Variants in WDR36 observed in about 807,000 individuals in gnomAD.
WDR36 encodes the protein WD repeat-containing protein 36.
WDR36 carries 63 observed loss-of-function variants against 112.7 expected under a neutral mutation model. The observed-to-expected ratio is 0.56, with a 90% CI of 0.46 to 0.69. WDR36 has a LOEUF of 0.69. Among genes scored for constraint, WDR36 ranks in the 30% least tolerant of loss-of-function variants. The probability of loss-of-function intolerance (pLI) is 0.00; values close to 1 mark genes in which losing one functional copy is unlikely to be tolerated. For synonymous variants in WDR36, 410 were observed against 362.2 expected (o/e 1.13, Z -1.50); for missense variants, 1,226 against 1,070.3 (o/e 1.15, Z -2.03).
chr5:111,106,247 A>G (rs1753219644), intron 11 of WDR36, 104 bp downstream of exon 11: 1 of 1,080,830 alleles, frequency 9.3e-7, no homozygotes, highest in African/African-American at 1.6e-5. Context: ...ACAAATATTA[A>G]TAAGCATTCA....
In WDR36 at chr5:111,129,479, A is replaced by T. The variant is rs936442129; in HGVS notation, c.*2596A>T. The T allele has an allele frequency of 5.2e-6, 1 of 192,978 alleles. No homozygotes were observed. The highest frequency in any genetic ancestry group is 2.3e-5 in the African/African-American group (1 of 43,090). 12.0% of individuals were successfully genotyped at this position (192,978 alleles called of 1,614,324 possible). The stretch of plus-strand genomic sequence containing the variant: ...AATCAGAAATTTCTCACTAGTGAAG[A>T]TGGACATATTTTTGTATGTTTATTT... On this transcript the variant is annotated 3_prime_UTR_variant, in exon 23 of 23. Coordinates refer to ENST00000513710, the MANE Select transcript of WDR36 (RefSeq NM_139281.3).
At chr5:111,125,212 C>T (rs1360255740) in intron 21 of WDR36, among the ~76,000 whole-genome samples, 1 of 152,124 alleles carries the variant, frequency 6.6e-6, no homozygotes, top group Non-Finnish European at 1.5e-5. Flanking sequence ...AATTATTTTA[C>T]CTCATCAGAT....
At chr5:111,124,340 G>T in intron 21 of WDR36, 151 bp downstream of exon 21, 2 of 644,354 alleles carry the variant, frequency 3.1e-6, no homozygotes, top group Non-Finnish European at 5.1e-6. Flanking sequence ...CGTAATTTTA[G>T]CATTTATATT....
intron 19 of WDR36, 115 bp downstream of exon 19, chr5:111,121,256 A>G: frequency 9.4e-7 from 1 of 1,069,366 alleles, no homozygotes; most frequent in Non-Finnish European, 1.4e-6. Flanking sequence ...TTAATATGTA[A>G]GACAGCACTG....
intron 21 of WDR36, among the ~76,000 whole-genome samples, chr5:111,124,665 C>T (rs577357869): frequency 3.3e-5 from 5 of 152,082 alleles, no homozygotes; most frequent in Non-Finnish European, 5.9e-5. Flanking sequence ...ATTTAAATTT[C>T]GAAGGCTACA....
rs560844811 is a variant in WDR36 at position 111,128,417 on chromosome 5, A to G, written c.*1534A>G. The G allele has an allele frequency of 1.1e-5, 2 of 182,506 alleles. No homozygotes were observed. Among genetic ancestry groups the G allele is most frequent in the South Asian group, 3.9e-4 (2 of 5,072 alleles). 11.3% of individuals were successfully genotyped at this position (182,506 alleles called of 1,614,324 possible). On this transcript the variant is annotated 3_prime_UTR_variant, in exon 23 of 23. Coordinates refer to ENST00000513710, the MANE Select transcript of WDR36 (RefSeq NM_139281.3). ...GTTTTTCTTTTAGAAATGTGTATTG[A>G]CTTATTAAAGCCACTGACAGAAATG...
chr5:111,103,795 G>A lies in WDR36; in HGVS notation c.607G>A (p.Val203Met), dbSNP rs772498725. 4.8e-5 allele frequency: 78 copies of A among 1,610,748 alleles called. No homozygotes were observed. The highest frequency in any genetic ancestry group is 1.6e-4 in the Middle Eastern group (1 of 6,062). Residue 203 changes from valine (V) to methionine (M), a missense_variant, in exon 7 of 23, where the codon GTG becomes ATG. By Grantham distance (21) the Val-to-Met change is conservative. Coordinates refer to ENST00000513710, the MANE Select transcript of WDR36 (RefSeq NM_139281.3). ...ATAATTTAATTTTTAGGCACCAGCC[G>A]TGGATGTTGTTGCTATTGGTCTTAT... ...GVTALQQAPA[V>M]DVVAIGLMSG...
At chr5:111,106,894 A>G (rs114902052) in intron 11 of WDR36, among the ~76,000 whole-genome samples, 2,662 of 151,322 alleles carry the variant, frequency 0.018, 27 homozygotes, top group Middle Eastern at 0.061. Flanking sequence ...TGTGCATGTT[A>G]TCCCCCCCAG....
intron 16 of WDR36, among the ~76,000 whole-genome samples, chr5:111,115,621 T>C (rs965731093): frequency 6.6e-6 from 1 of 152,202 alleles, no homozygotes; most frequent in Non-Finnish European, 1.5e-5. Flanking sequence ...CTTTGGAAAT[T>C]CCTAGTTCTT....
intron 22 of WDR36, 34 bp from the exon 23 acceptor site, chr5:111,126,700 C>T (rs1367259636): frequency 6.2e-7 from 1 of 1,609,038 alleles, no homozygotes; most frequent in Non-Finnish European, 8.5e-7. Context: ...TTTTAATTTT[C>T]TTAAATGTTC....
In WDR36 at chr5:111,092,364, T is replaced by G; in HGVS notation, c.-93T>G. On this transcript the variant is annotated 5_prime_UTR_variant, in exon 1 of 23. Coordinates refer to ENST00000513710, the MANE Select transcript of WDR36 (RefSeq NM_139281.3). ...GGAAGCGGTGTTGTGTCTGCAGCTC[T>G]GGCAGAGGACTGTTCCACTAGACAC... The G allele has an allele frequency of 6.2e-7, 1 of 1,614,222 alleles. No homozygotes were observed. Among genetic ancestry groups the G allele is most frequent in the Non-Finnish European group, 8.5e-7 (1 of 1,180,036 alleles).
intron 16 of WDR36, among the ~76,000 whole-genome samples, chr5:111,118,029 A>G (rs11955885): frequency 9.9e-5 from 15 of 152,150 alleles, no homozygotes; most frequent in African/African-American, 3.6e-4. Context: ...CTCTGTTCAA[A>G]TATATTCTGC....
chr5:111,104,835 A>G lies in WDR36; in HGVS notation c.1027+18A>G, dbSNP rs1452270515. On this transcript the variant is annotated intron_variant, in intron 9 of 22. Transcript: ENST00000513710. ...AAGTGCAAGTGAGCTTCTGCTTCAT[A>G]CTATTAGTTTATTTCAGCAAGTATT... The G allele has an allele frequency of 6.2e-7, 1 of 1,610,236 alleles. No homozygotes were observed. Among genetic ancestry groups the G allele is most frequent in the Non-Finnish European group, 8.5e-7 (1 of 1,177,198 alleles).
rs1752879206 is a variant in WDR36, at chr5:111,092,393, G to A, written c.-64G>A. On this transcript the variant is annotated 5_prime_UTR_variant, in exon 1 of 23. Coordinates refer to ENST00000513710, the MANE Select transcript of WDR36 (RefSeq NM_139281.3). ...AGAGGACTGTTCCACTAGACACGCT[G>A]AAGGGACTGGGTACGTGTTTTCCTT... 1 of 1,614,142 alleles carries A rather than the reference G, an allele frequency of 6.2e-7. No homozygotes were observed. Among genetic ancestry groups the A allele is most frequent in the African/African-American group, 1.3e-5 (1 of 74,958 alleles).
At chr5:111,105,190 A>T in intron 9 of WDR36, 105 bp from the exon 10 acceptor site, 2 of 1,246,980 alleles carry the variant, frequency 1.6e-6, no homozygotes, top group Non-Finnish European at 2.3e-6. Context: ...AAGTGTCCCA[A>T]ACTGTAACTT....
chr5:111,106,913 T>C (rs1250786978), intron 11 of WDR36, among the ~76,000 whole-genome samples: 3 of 151,378 alleles, frequency 2.0e-5, no homozygotes, highest in Admixed American at 1.3e-4. Context: ...AGGTAATTTC[T>C]ACTTGTTCTA....
At chr5:111,109,827 G>T (rs1274888790) in intron 12 of WDR36, among the ~76,000 whole-genome samples, 1 of 151,224 alleles carries the variant, frequency 6.6e-6, no homozygotes, top group Non-Finnish European at 1.5e-5. Flanking sequence ...CAAAAGGCAA[G>T]ACAAAAAGAA....
chr5:111,121,197 T>C (rs1025981119), intron 19 of WDR36, 56 bp downstream of exon 19: 5 of 1,601,452 alleles, frequency 3.1e-6, no homozygotes, highest in African/African-American at 1.3e-5. Flanking sequence ...CATTTTTATT[T>C]TTTTAAGCAG....
intron 11 of WDR36, among the ~76,000 whole-genome samples, 196 bp downstream of exon 11, chr5:111,106,339 A>G (rs2112574268): frequency 6.6e-6 from 1 of 151,680 alleles, no homozygotes; most frequent in East Asian, 1.9e-4. Context: ...ATCTATTAAC[A>G]TCAGGCTTTG....
Sources: allele counts gnomAD v4.1 joint callset (sites outside exome capture counted in the v4.1 genomes callset), GRCh38; gene constraint gnomAD v4.1.1; transcripts MANE v1.5; gene names NCBI Gene and HGNC (gene_info 2026-07-23, HGNC 2026-07-21).